MUC3A: variants seen among roughly 807,000 people sequenced by gnomAD.
MUC3A encodes mucin-3A.
A neutral mutation model predicts 109.0 loss-of-function variants in MUC3A; 109 were observed. The ratio of observed to expected loss-of-function variants is 1.00; its 90% CI spans 0.86 to 1.17. The LOEUF (loss-of-function observed/expected upper bound fraction) is 1.17. MUC3A is among the 50% of genes most tolerant of loss of function. The pLI is 0.00. For missense variants in MUC3A, 3,537 were observed against 2,469.4 expected (o/e 1.43, Z -9.16); for synonymous variants, 1,398 against 981.4 (o/e 1.42, Z -7.93).
chr7:100,952,399 C>A lies in MUC3A; in HGVS notation c.620C>A (p.Ser207Tyr). The change falls in exon 2 of 12, where the codon TCT becomes TAT. Residue 207 changes from serine to tyrosine, a missense_variant. Transcript: ENST00000379458. ...ETPIVTVTPS[S>Y]VSATDTTFHT... ...CCCATAGTGACAGTGACACCCTCCTCTGTGTCAGCCACAGACACAACCTTC... is the reference window on the plus strand; with the variant it reads ...CCCATAGTGACAGTGACACCCTCCTATGTGTCAGCCACAGACACAACCTTC... 1 of 1,598,550 alleles carries A rather than the reference C, an allele frequency of 6.3e-7. No homozygotes were observed. The highest frequency in any genetic ancestry group is 8.5e-7 in the Non-Finnish European group (1 of 1,179,778).
chr7:100,949,782 GA>G, intron 1 of MUC3A, 97 bp downstream of exon 1: 5 of 1,240,180 alleles, frequency 4.0e-6, no homozygotes, highest in Non-Finnish European at 5.4e-6. Flanking sequence ...GGGGAGGGGG[GA>G]TAAGAAGGCA....
intron 5 of MUC3A, 58 bp from the exon 6 acceptor site, chr7:100,964,637 C>A: frequency 6.5e-7 from 1 of 1,549,984 alleles, no homozygotes; most frequent in South Asian, 1.2e-5. Context: ...TGGAGGTGCC[C>A]CTCCAAGGAC....
chr7:100,949,778 G>C (rs79723667), intron 1 of MUC3A, 93 bp downstream of exon 1: 39,302 of 966,430 alleles, frequency 0.041, 1,756 homozygotes, highest in South Asian at 0.24. Context: ...GCCTGGGGAG[G>C]GGGGATAAGA....
chr7:100,964,863 A>T lies in MUC3A; in HGVS notation c.9382+20A>T, dbSNP rs1477041563. The T allele has an allele frequency of 6.3e-7, 1 of 1,590,368 alleles. No homozygotes were observed. The highest frequency in any genetic ancestry group is 8.5e-7 in the Non-Finnish European group (1 of 1,174,746). ...CCCAGAGTGAGCCCAGGCTGGAGGG[A>T]GGGGCCAGGGCCTGAGGTGTCACCC... is the stretch of plus-strand genomic sequence containing the variant. On this transcript the variant is annotated intron_variant, in intron 6 of 11. Transcript: ENST00000379458.
rs752583040 is a variant in MUC3A at position 100,959,668 on chromosome 7, C to T, written c.7889C>T (p.Pro2630Leu). The change falls in exon 2 of 12, where the codon CCT becomes CTT. Residue 2630 changes from proline to leucine, a missense_variant. By Grantham distance (98) the Pro-to-Leu change is moderately conservative (BLOSUM62 -3). Transcript: ENST00000379458. The stretch of plus-strand genomic sequence containing the variant: ...ACGATCGTGTCAACATCACAGGTTC[C>T]TATTCCTAGCACACATTCCTCCACC... ...LSTIVSTSQV[P>L]IPSTHSSTLQ... 2.9e-5 allele frequency: 47 copies of T among 1,598,398 alleles called. No homozygotes were observed. In the Middle Eastern group the frequency reaches 4.9e-4, roughly 17 times the overall value.
Position 100,967,251 on chromosome 7 carries a change from G to T in MUC3A, c.*89G>T. 1 of 1,569,548 alleles carries T rather than the reference G, an allele frequency of 6.4e-7. No individual in the cohort carries two copies. The highest frequency in any genetic ancestry group is 1.3e-5 in the African/African-American group (1 of 74,358). On this transcript the variant is annotated 3_prime_UTR_variant, in exon 12 of 12. Transcript: ENST00000379458. ...CCATTTCAAGAGGTGGCCCCAGGAC[G>T]CGGGCAGCCCAGGCTCCTGCTGTTC...
At position 100,962,138 on chromosome 7, in the gene MUC3A, G is replaced by A. The variant is rs1198727336; in HGVS notation, c.9053-1013G>A. On this transcript the variant is annotated intron_variant, in intron 3 of 11. Coordinates refer to ENST00000379458, the MANE Select transcript of MUC3A (RefSeq NM_005960.2). ...TCCCAGCTACTTGGGAGGCTGAGGCGGGAGAATGGCGTGAACCCGGGAGGC... is the reference window on the plus strand; with the variant it reads ...TCCCAGCTACTTGGGAGGCTGAGGCAGGAGAATGGCGTGAACCCGGGAGGC... 1.0e-4 allele frequency among the ~76,000 whole-genome samples: 10 copies of A among 97,002 alleles called. 2 individuals are homozygous for A. The highest frequency in any genetic ancestry group is 4.0e-4 in the Admixed American group (3 of 7,408). The allele number at this position is 97,002 out of a possible 152,430, so 63.6% of individuals were successfully genotyped here.
chr7:100,963,206 G>A lies in MUC3A; in HGVS notation c.9108G>A (p.Pro3036=), dbSNP rs1465449725. The A allele has an allele frequency of 2.1e-5, 34 of 1,598,200 alleles. No homozygotes were observed. The Middle Eastern group carries it at 4.9e-4, about 23-fold the overall frequency. The part of the protein sequence containing the change: ...MEVSVDQQFS[P]DLNDNTSQAY... ...TGTCTGTGGATCAGCAGTTCTCGCC[G>A]GACCTCAATGACAACACTTCCCAGG... The change falls in exon 4 of 12, where the codon CCG becomes CCA. Residue 3036 remains proline, a synonymous_variant. Transcript: ENST00000379458.
chr7:100,961,419 C>T (rs1220005151), intron 3 of MUC3A, among the ~76,000 whole-genome samples: 1 of 7,764 alleles, frequency 1.3e-4, no homozygotes, highest in African/African-American at 3.9e-4. Flanking sequence ...GTCTTTCTCC[C>T]ATAGCCTCAT....
Position 100,951,849 on chromosome 7 carries a change from T to A in MUC3A, c.70T>A (p.Ser24Thr). 1 of 1,596,286 alleles carries A rather than the reference T, an allele frequency of 6.3e-7. No individual in the cohort carries two copies. The highest frequency in any genetic ancestry group is 8.5e-7 in the Non-Finnish European group (1 of 1,177,620). ...CTCTGCCGCCAATGCAGGAACTTTA[T>A]CCACGGCCACATCCATCTCTCAAGT... ...KASPWATGTLSTATSISQVPF... is the reference protein window; with the variant it reads ...KASPWATGTLTTATSISQVPF... The change falls in exon 2 of 12, where the codon TCC becomes ACC. Residue 24 changes from serine to threonine, a missense_variant. Ser to Thr is a moderately conservative substitution (Grantham distance 58). Transcript: ENST00000379458.
chr7:100,960,804 G>A lies in MUC3A; in HGVS notation c.8919G>A (p.Pro2973=), dbSNP rs770825182. The A allele has an allele frequency of 2.4e-5, 38 of 1,598,496 alleles. No individual in the cohort carries two copies. The highest frequency in any genetic ancestry group is 1.7e-4 in the Middle Eastern group (1 of 6,060). ...TWEQGQCACL[P]GFSGDRCQLQ... ...AACAGGGCCAGTGTGCTTGCCTTCC[G>A]GGGTTTTCTGGGGACCGCTGTCAGC... The change falls in exon 3 of 12, where the codon CCG becomes CCA. Residue 2973 remains proline, a synonymous_variant. Coordinates refer to ENST00000379458, the MANE Select transcript of MUC3A (RefSeq NM_005960.2).
At chr7:100,964,546 C>A in intron 5 of MUC3A, 149 bp from the exon 6 acceptor site, 2 of 1,307,654 alleles carry the variant, frequency 1.5e-6, no homozygotes, top group Non-Finnish European at 1.0e-6. Context: ...TGCTGGCAGC[C>A]CCTTCTGAAA....
At chr7:100,966,007 C>A in intron 8 of MUC3A, 141 bp downstream of exon 8, 1 of 1,351,418 alleles carries the variant, frequency 7.4e-7, no homozygotes, top group Non-Finnish European at 9.8e-7. Context: ...CAAGCCCATC[C>A]CCGTTGCCCT....
At chr7:100,966,790 C>G (rs1351286694) in intron 10 of MUC3A, 47 bp downstream of exon 10, 3 of 1,598,448 alleles carry the variant, frequency 1.9e-6, no homozygotes, top group South Asian at 1.1e-5. Context: ...TCCTGGGCAC[C>G]ACTGCGAGGA....
rs775466886 is a variant in MUC3A, at chr7:100,960,292, G to A, written c.8513G>A (p.Ser2838Asn). The change falls in exon 2 of 12, where the codon AGT becomes AAT. Residue 2838 changes from serine (S) to asparagine (N), a missense_variant. By Grantham distance (46) the Ser-to-Asn change is conservative. Coordinates refer to ENST00000379458, the MANE Select transcript of MUC3A (RefSeq NM_005960.2). ...GACACTTCTTCCATGATGCCAGAAAGTGAGTCCAGCATCTCACCCAATGCT... is the reference window on the plus strand; with the variant it reads ...GACACTTCTTCCATGATGCCAGAAAATGAGTCCAGCATCTCACCCAATGCT... ...YMDTSSMMPESESSISPNASS... is the reference protein window; with the variant it reads ...YMDTSSMMPENESSISPNASS... 1.9e-6 allele frequency: 3 copies of A among 1,598,548 alleles called. No homozygotes were observed. The highest frequency in any genetic ancestry group is 1.7e-5 in the Admixed American group (1 of 60,034).
rs1293038280 is a variant in MUC3A, at chr7:100,960,850, G to A, written c.8965G>A (p.Gly2989Arg). The A allele has an allele frequency of 1.3e-6, 2 of 1,598,048 alleles. No homozygotes were observed. The highest frequency in any genetic ancestry group is 8.5e-7 in the Non-Finnish European group (1 of 1,179,370). Residue 2989 changes from glycine (G) to arginine (R), a missense_variant, in exon 3 of 12, where the codon GGG (glycine) becomes AGG (arginine). By Grantham distance (125) the Gly-to-Arg change is moderately radical. Coordinates refer to ENST00000379458, the MANE Select transcript of MUC3A (RefSeq NM_005960.2). ...TCAGCTCCAGACCAGATGCCAGAAT[G>A]GGGGTCAGTGGGATGGCCTCAAATG... The part of the protein sequence containing the change: ...RCQLQTRCQN[G>R]GQWDGLKCQC...
In MUC3A at chr7:100,955,732, C is replaced by A; in HGVS notation, c.3953C>A (p.Ala1318Asp). The A allele has an allele frequency of 2.4e-6, 1 of 418,760 alleles. No individual in the cohort carries two copies. Among genetic ancestry groups the A allele is most frequent in the Non-Finnish European group, 4.2e-6 (1 of 239,442 alleles). 25.9% of individuals were successfully genotyped at this position (418,760 alleles called of 1,614,324 possible). A position where few individuals can be genotyped will look rare whatever the true frequency, so the allele number is the denominator to read the frequency against. The change falls in exon 2 of 12, where the codon GCT (alanine) becomes GAT (aspartate). Residue 1318 changes from alanine to aspartate, a missense_variant. Ala to Asp is a moderately radical substitution (Grantham distance 126). Coordinates refer to ENST00000379458, the MANE Select transcript of MUC3A (RefSeq NM_005960.2). ...PASTNTIHTT[A>D]ESALAPTTTT... is the part of the protein sequence containing the mutation. ...AGCACCAATACAATCCACACAACAG[C>A]TGAATCCGCCCTGGCACCCACTACC...
intron 11 of MUC3A, 44 bp downstream of exon 11, chr7:100,966,995 C>T: frequency 6.3e-7 from 1 of 1,598,542 alleles, no homozygotes; most frequent in Non-Finnish European, 8.5e-7. Flanking sequence ...CTCCCAGCCT[C>T]CATTCCAGAA....
At position 100,960,794 on chromosome 7, in the gene MUC3A, C is replaced by A; in HGVS notation, c.8909C>A (p.Ala2970Asp). The A allele has an allele frequency of 6.3e-7, 1 of 1,598,518 alleles. No homozygotes were observed. The highest frequency in any genetic ancestry group is 8.5e-7 in the Non-Finnish European group (1 of 1,179,808). The change falls in exon 3 of 12, where the codon GCT (alanine) becomes GAT (aspartate). Residue 2970 changes from alanine (A) to aspartate (D), a missense_variant. Coordinates refer to ENST00000379458, the MANE Select transcript of MUC3A (RefSeq NM_005960.2). ...GGCACCTGGGAACAGGGCCAGTGTG[C>A]TTGCCTTCCGGGGTTTTCTGGGGAC... ...NGGTWEQGQC[A>D]CLPGFSGDRC...
Sources: gnomAD v4.1 joint callset for allele counts (sites outside exome capture counted in the v4.1 genomes callset) on GRCh38, gnomAD v4.1.1 for gene constraint, MANE v1.5 for transcripts, NCBI Gene and HGNC (gene_info 2026-07-23, HGNC 2026-07-21) for gene names.